Variants in HMG20A observed in about 807,000 individuals in gnomAD.
HMG20A encodes high mobility group protein 20A.
A neutral mutation model predicts 43.9 loss-of-function variants in HMG20A; 17 were observed. That is an observed-to-expected ratio of 0.39 (90% CI 0.27 to 0.58). The LOEUF is 0.58. Ranked by LOEUF, HMG20A falls within the 20% of genes least tolerant of loss-of-function variation. The pLI, the probability that HMG20A is intolerant of heterozygous loss-of-function variation, is 0.59. For missense variants in HMG20A, 341 were observed against 438.2 expected (o/e 0.78, Z 1.98); for synonymous variants, 132 against 147.5 (o/e 0.89, Z 0.76).
Position 77,476,974 on chromosome 15 carries a change from T to C in HMG20A, c.616-581T>C, listed in dbSNP as rs562349219. Among the ~76,000 whole-genome samples, 24 of 152,330 alleles carry C rather than the reference T, an allele frequency of 1.6e-4. No homozygotes were observed. In the East Asian group the frequency reaches 3.5e-3, roughly 22 times the overall value. On this transcript the variant is annotated intron_variant, in intron 6 of 9. Transcript: ENST00000336216. The stretch of plus-strand genomic sequence containing the variant: ...TTCTGATTTCTCGGTCTCATGTGTT[T>C]GTTTGTTTATTTTTCCTGTGTCTAA...
chr15:77,467,882 A>G (rs1009536468), intron 4 of HMG20A, among the ~76,000 whole-genome samples: 4 of 152,236 alleles, frequency 2.6e-5, no homozygotes, highest in Non-Finnish European at 4.4e-5. Context: ...CAAGATAGCC[A>G]TGAGCTGGTT....
intron 1 of HMG20A, chr15:77,447,638 G>GA (rs1198634214): frequency 2.0e-5 from 3 of 152,086 alleles, no homozygotes; most frequent in Non-Finnish European, 2.9e-5. Context: ...GGAATTTGGA[G>GA]AAAAAAATCA....
the HMG20A span, among the ~76,000 whole-genome samples, chr15:77,513,151 A>G: frequency 6.6e-6 from 1 of 152,256 alleles, no homozygotes; most frequent in East Asian, 1.9e-4. Context: ...GATATAAAGG[A>G]CATTATTGGG....
chr15:77,462,769 TTTC>T (rs2072716543), intron 2 of HMG20A, among the ~76,000 whole-genome samples: 1 of 149,274 alleles, frequency 6.7e-6, no homozygotes, highest in South Asian at 2.1e-4. Flanking sequence ...TCTTTTTCTT[TTTC>T]TTTTTTTTTT....
chr15:77,423,637 C>T (rs2073393991), intron 1 of HMG20A, among the ~76,000 whole-genome samples: 1 of 152,046 alleles, frequency 6.6e-6, no homozygotes, highest in Admixed American at 6.5e-5. Flanking sequence ...ATATTAAAAC[C>T]GTAGGTCACA....
chr15:77,462,325 C>A (rs1342306864), intron 2 of HMG20A, among the ~76,000 whole-genome samples: 1 of 152,110 alleles, frequency 6.6e-6, no homozygotes, highest in African/African-American at 2.4e-5. Flanking sequence ...TATCTTAATG[C>A]CCTTCTCAGT....
chr15:77,464,450 A>G, intron 3 of HMG20A, 63 bp downstream of exon 3: 1 of 1,561,482 alleles, frequency 6.4e-7, no homozygotes, highest in Non-Finnish European at 8.8e-7. Context: ...AGTCACAAGG[A>G]AGGTGTGTTG....
the HMG20A span, among the ~76,000 whole-genome samples, chr15:77,510,789 G>T: frequency 6.6e-6 from 1 of 152,238 alleles, no homozygotes; most frequent in East Asian, 1.9e-4. Flanking sequence ...GCTGGCCCAG[G>T]AACTTCCCAG....
chr15:77,500,474 A>G, the HMG20A span, among the ~76,000 whole-genome samples: 2 of 152,048 alleles, frequency 1.3e-5, no homozygotes, highest in Non-Finnish European at 2.9e-5. Context: ...TATGTCTCCA[A>G]ATGCATCTCC....
At chr15:77,488,537 G>A (rs192297188), downstream of HMG20A, among the ~76,000 whole-genome samples, 3 of 152,288 alleles carry the variant, frequency 2.0e-5, no homozygotes, top group Admixed American at 6.5e-5. Context: ...ATAGAGAGTA[G>A]ATCTGAGTCA....
Position 77,464,378 on chromosome 15 carries a change from T to C in HMG20A, c.228T>C (p.His76=), listed in dbSNP as rs2072735685. ...CAGCAGAAGGCAATGAACAGAGGCATGAAGATGAGGTAAGCTGAAGTATCT... is the reference window on the plus strand; with the variant it reads ...CAGCAGAAGGCAATGAACAGAGGCACGAAGATGAGGTAAGCTGAAGTATCT... ...SNAAEGNEQR[H]EDEQRSKRGG... Residue 76 remains histidine (H), a synonymous_variant, in exon 3 of 10, where the codon CAT becomes CAC. Transcript: ENST00000336216. 1 of 1,613,554 alleles carries C rather than the reference T, an allele frequency of 6.2e-7. No homozygotes were observed.
At chr15:77,515,776 A>G in the HMG20A span, among the ~76,000 whole-genome samples, 3 of 152,344 alleles carry the variant, frequency 2.0e-5, no homozygotes, top group African/African-American at 7.2e-5. Context: ...CCATTTGGGA[A>G]ACCTGAGACA....
chr15:77,435,347 G>A (rs1193643020), intron 1 of HMG20A, among the ~76,000 whole-genome samples: 5 of 152,150 alleles, frequency 3.3e-5, no homozygotes, highest in East Asian at 3.9e-4. Context: ...GCTGTGGCGC[G>A]ATCTTGGCTC....
intron 7 of HMG20A, 24 bp downstream of exon 7, chr15:77,477,654 T>A (rs1428903608): frequency 6.5e-7 from 1 of 1,531,620 alleles, no homozygotes; most frequent in African/African-American, 1.4e-5. Context: ...TTTCTTTTTG[T>A]GTTTCTCAGA....
chr15:77,448,447 T>C (rs1276187978), intron 1 of HMG20A, among the ~76,000 whole-genome samples: 1 of 152,176 alleles, frequency 6.6e-6, no homozygotes, highest in East Asian at 1.9e-4. Flanking sequence ...TTTCATCTCC[T>C]TCTGGTCTTT....
At chr15:77,450,217 C>T (rs948267428) in intron 1 of HMG20A, among the ~76,000 whole-genome samples, 6 of 152,034 alleles carry the variant, frequency 3.9e-5, no homozygotes, top group African/African-American at 9.7e-5. Flanking sequence ...GCAAGCTCTG[C>T]CTCCAGGGTT....
intron 1 of HMG20A, among the ~76,000 whole-genome samples, chr15:77,429,059 T>G (rs1412635498): frequency 1.3e-5 from 2 of 152,084 alleles, no homozygotes; most frequent in Non-Finnish European, 2.9e-5. Flanking sequence ...AAATAATATG[T>G]TGGCCGGGCA....
intron 6 of HMG20A, among the ~76,000 whole-genome samples, chr15:77,474,121 C>T (rs1317917376): frequency 6.6e-6 from 1 of 152,132 alleles, no homozygotes; most frequent in Non-Finnish European, 1.5e-5. Context: ...GGGTGAAAAG[C>T]AGCCGCAGAA....
chr15:77,503,845 A>AT, the HMG20A span, among the ~76,000 whole-genome samples: 2 of 152,092 alleles, frequency 1.3e-5, no homozygotes, highest in African/African-American at 4.8e-5. Flanking sequence ...CGCCTGTGAT[A>AT]TGTATGCTCC....
Sources: allele counts gnomAD v4.1 joint callset (sites outside exome capture counted in the v4.1 genomes callset), GRCh38; gene constraint gnomAD v4.1.1; transcripts MANE v1.5; gene names NCBI Gene and HGNC (gene_info 2026-07-23, HGNC 2026-07-21).